DUSP15: variants seen among roughly 807,000 people sequenced by gnomAD.
DUSP15 encodes dual specificity protein phosphatase 15.
DUSP15 carries 23 observed loss-of-function variants against 26.3 expected under a neutral mutation model. The ratio of observed to expected loss-of-function variants is 0.87; its 90% CI spans 0.63 to 1.24. DUSP15 has a LOEUF of 1.24. DUSP15 is among the 50% of genes most tolerant of loss of function. DUSP15 has a pLI of 0.00. For synonymous variants in DUSP15, 143 were observed against 135.5 expected (o/e 1.06, Z -0.39); for missense variants, 364 against 320.6 (o/e 1.14, Z -1.03).
intron 8 of DUSP15, chr20:31,849,467 G>C: frequency 1.5e-6 from 1 of 657,622 alleles, no homozygotes; most frequent in Non-Finnish European, 2.9e-6. Context: ...CTCTGTTCAT[G>C]TTCCTTTGCC....
In DUSP15 at chr20:31,848,229, G is replaced by T. The variant is rs2062398776; in HGVS notation, c.*175C>A. Reference sequence around the variant, plus strand: ...TGCCGAAGCCCCATGCCCAGCTGGGGGGCGGTGTGGCCTACTCTCGAGTTC... The same window carrying T: ...TGCCGAAGCCCCATGCCCAGCTGGGTGGCGGTGTGGCCTACTCTCGAGTTC... On this transcript the variant is annotated 3_prime_UTR_variant, in exon 10 of 10. Transcript: ENST00000278979. 5.7e-5 allele frequency: 33 copies of T among 584,046 alleles called. 1 individual carries two copies. The South Asian group carries it at 8.7e-4, about 15-fold the overall frequency. The allele number at this position is 584,046 out of a possible 1,614,324, so 36.2% of individuals were successfully genotyped here. A position where few individuals can be genotyped will look rare whatever the true frequency, so the allele number is the denominator to read the frequency against.
Position 31,862,571 on chromosome 20 carries a change from C to T in DUSP15, c.435G>A (p.Lys145=). ...LEEFGWASSQ[K]LRRQLEERFG... is the part of the protein sequence containing the mutation. ...ACCCAGCCCTTGACCCCATCCCTAC[C>T]TTCTGGGAACTGGCCCAGCCAAACT... is the stretch of plus-strand genomic sequence containing the variant. Residue 145 remains lysine (K), a splice_region_variant and synonymous_variant, in exon 6 of 7, where the codon AAG becomes AAA. Transcript: ENST00000339738. 1.2e-6 allele frequency: 2 copies of T among 1,605,474 alleles called. No homozygotes were observed. The highest frequency in any genetic ancestry group is 1.7e-6 in the Non-Finnish European group (2 of 1,174,310).
downstream of DUSP15, among the ~76,000 whole-genome samples, chr20:31,860,184 T>C (rs2062621497): frequency 6.6e-6 from 1 of 152,178 alleles, no homozygotes; most frequent in Non-Finnish European, 1.5e-5. Flanking sequence ...TGGACATTTG[T>C]TGAATGAATG....
chr20:31,866,908 AC>A (rs2062779860), intron 3 of DUSP15, among the ~76,000 whole-genome samples, 162 bp downstream of exon 3: 1 of 152,222 alleles, frequency 6.6e-6, no homozygotes. Context: ...CTGGGCCTCA[AC>A]TGCCAAATAG....
downstream of DUSP15, among the ~76,000 whole-genome samples, chr20:31,859,292 AT>A (rs201609539): frequency 2.2e-4 from 20 of 89,234 alleles, no homozygotes; most frequent in East Asian, 4.4e-3. Flanking sequence ...ATGTCTATGC[AT>A]TTTTTTGGGG....
chr20:31,848,869 C>T (rs776364295), exon 9 of DUSP15: 1 of 1,612,300 alleles, frequency 6.2e-7, no homozygotes, highest in Non-Finnish European at 8.5e-7. Flanking sequence ...CACCGAAGCA[C>T]AGACAGATCT....
chr20:31,864,083 TG>T, intron 4 of DUSP15, 102 bp from the exon 5 acceptor site: 1 of 1,562,662 alleles, frequency 6.4e-7, no homozygotes, highest in Non-Finnish European at 8.7e-7. Flanking sequence ...CATAGAGCCC[TG>T]GGGTCCCCAG....
chr20:31,869,697 G>T, intron 1 of DUSP15, 100 bp from the exon 2 acceptor site: 1 of 1,551,004 alleles, frequency 6.4e-7, no homozygotes, highest in Non-Finnish European at 8.7e-7. Context: ...TCCCATGAAG[G>T]GTATGGACCT....
In DUSP15 at chr20:31,870,083, C is replaced by G. The variant is rs2062887569; in HGVS notation, c.21+234G>C. The G allele has an allele frequency of 8.0e-7, 1 of 1,257,598 alleles. No homozygotes were observed. The highest frequency in any genetic ancestry group is 3.8e-5 in the Admixed American group (1 of 26,466). 77.9% of individuals were successfully genotyped at this position (1,257,598 alleles called of 1,614,324 possible). The stretch of plus-strand genomic sequence containing the variant: ...CCTGGGAGTGACAGCCACAGCAAGA[C>G]AGCGAGAGACACACAGAGTCACGGA... On this transcript the variant is annotated intron_variant, in intron 1 of 6. Transcript: ENST00000339738. This position sits in a 1 kb window ranked among gnomAD's most constrained non-coding sequence, Gnocchi z 6.6.
At chr20:31,851,517 A>G (rs1044904668) in intron 6 of DUSP15, among the ~76,000 whole-genome samples, 2 of 152,004 alleles carry the variant, frequency 1.3e-5, no homozygotes, top group Non-Finnish European at 2.9e-5. Context: ...AGGGCAATGA[A>G]ACTGAAGATG....
In DUSP15 at chr20:31,861,630, C is replaced by A; in HGVS notation, c.481G>T (p.Asp161Tyr). 3.7e-6 allele frequency: 5 copies of A among 1,345,354 alleles called. No individual in the cohort carries two copies. The highest frequency in any genetic ancestry group is 1.3e-5 in the South Asian group (1 of 77,818). 83.3% of individuals were successfully genotyped at this position (1,345,354 alleles called of 1,614,324 possible). The change falls in exon 7 of 7, where the codon GAC becomes TAC. Residue 161 changes from aspartate (D) to tyrosine (Y), a missense_variant. Physicochemically the swap from Asp to Tyr is radical, Grantham distance 160. Transcript: ENST00000339738. ...AGCAGCGCGCGCAACTCCTCCTCGT[C>A]GCGGAAGGGGCTCTCGCCGAAGCGC... Reference protein sequence around the residue: ...EERFGESPFRDEEELRALLPL... With the variant: ...EERFGESPFRYEEELRALLPL...
chr20:31,851,702 G>T (rs1291481185), intron 6 of DUSP15, among the ~76,000 whole-genome samples: 1 of 152,128 alleles, frequency 6.6e-6, no homozygotes, highest in African/African-American at 2.4e-5. Flanking sequence ...GCCAGTGGGT[G>T]ACTTGCTGAG....
In DUSP15 at chr20:31,870,027, C is replaced by T; in HGVS notation, c.21+290G>A. The T allele has an allele frequency of 1.5e-6, 2 of 1,319,562 alleles. No individual in the cohort carries two copies. Among genetic ancestry groups the T allele is most frequent in the Admixed American group, 3.5e-5 (1 of 28,652 alleles). The allele number at this position is 1,319,562 out of a possible 1,614,324, so 81.7% of individuals were successfully genotyped here. A position where few individuals can be genotyped will look rare whatever the true frequency, so the allele number is the denominator to read the frequency against. On this transcript the variant is annotated intron_variant, in intron 1 of 6. Transcript: ENST00000339738. This position sits in a 1 kb window ranked among gnomAD's most constrained non-coding sequence, Gnocchi z 6.6. ...CAGCGACAAGGGAGAGGGACACATG[C>T]AGACGGAGAGCAGGACTCACTGGGA... is the stretch of plus-strand genomic sequence containing the variant.
chr20:31,864,555 A>G (rs1222847492), intron 4 of DUSP15: 2 of 724,096 alleles, frequency 2.8e-6, no homozygotes, highest in Non-Finnish European at 3.4e-6. Flanking sequence ...TGCACTCCTG[A>G]TTTACAGGTG....
chr20:31,867,631 G>GTTTTGTTTTTTTTTTT lies in DUSP15; in HGVS notation c.56-479_56-478insAAAAAAAAAAACAAAA, dbSNP rs2062797175. Among the ~76,000 whole-genome samples, 23 of 77,642 alleles carry GTTTTGTTTTTTTTTTT rather than the reference G, an allele frequency of 3.0e-4. 1 individual carries two copies. The highest frequency in any genetic ancestry group is 1.1e-3 in the African/African-American group (20 of 18,322). The allele number at this position is 77,642 out of a possible 152,430, so 50.9% of individuals were successfully genotyped here. ...GCTGATGTGCAATGATGCCCACAAT[G>GTTTTGTTTTTTTTTTT]TTTTTTTTTTTTTTTTTTTTTTTTT... On this transcript the variant is annotated intron_variant, in intron 2 of 6. Transcript: ENST00000339738.
chr20:31,845,772 G>C (rs2062371428), downstream of DUSP15, among the ~76,000 whole-genome samples: 1 of 152,258 alleles, frequency 6.6e-6, no homozygotes, highest in South Asian at 2.1e-4. Flanking sequence ...AAGCCGAGCA[G>C]CTGCCAGGGA....
chr20:31,855,259 T>A (rs554965270), intron 6 of DUSP15, among the ~76,000 whole-genome samples: 1 of 152,374 alleles, frequency 6.6e-6, no homozygotes, highest in Non-Finnish European at 1.5e-5. Flanking sequence ...GAGCTTCGAA[T>A]GTTCCTGGGT....
At chr20:31,857,107 G>T (rs2066219340), downstream of DUSP15, among the ~76,000 whole-genome samples, 1 of 152,044 alleles carries the variant, frequency 6.6e-6, no homozygotes, top group Non-Finnish European at 1.5e-5. Context: ...TTGGTGTAAG[G>T]AGACTCTCCA....
At chr20:31,851,622 G>C (rs929062655) in intron 6 of DUSP15, among the ~76,000 whole-genome samples, 3 of 152,128 alleles carry the variant, frequency 2.0e-5, no homozygotes, top group African/African-American at 7.2e-5. Context: ...CATGGGGACA[G>C]GGCTGGAGCT....
Sources: gnomAD v4.1 joint callset for allele counts (sites outside exome capture counted in the v4.1 genomes callset) on GRCh38, gnomAD v4.1.1 for gene constraint, Gnocchi (gnomAD v3.1) non-coding constraint, MANE v1.5 for transcripts, NCBI Gene and HGNC (gene_info 2026-07-23, HGNC 2026-07-21) for gene names.